ZNF740: variants seen among roughly 807,000 people sequenced by gnomAD.
ZNF740 encodes the protein oriLyt TD-element-binding protein 7.
A neutral mutation model predicts 24.8 loss-of-function variants in ZNF740; 14 were observed. That is an observed-to-expected ratio of 0.56 (90% CI 0.37 to 0.88). ZNF740 has a LOEUF of 0.88. Among genes scored for constraint, ZNF740 ranks in the 40% least tolerant of loss-of-function variants. ZNF740 has a pLI of 0.00. For missense variants in ZNF740, 201 were observed against 247.9 expected (o/e 0.81, Z 1.27); for synonymous variants, 69 against 84.0 (o/e 0.82, Z 0.98).
intron 5 of ZNF740, 118 bp from the exon 6 acceptor site, chr12:53,186,273 C>A: frequency 8.6e-7 from 1 of 1,162,782 alleles, no homozygotes; most frequent in Non-Finnish European, 1.2e-6. Context: ...GACCTCTCCC[C>A]ATTTATGATC....
In ZNF740 at chr12:53,193,624, G is replaced by C. The variant is rs1592398516; in HGVS notation, c.*6034G>C. 1 of 1,212,054 alleles carries C rather than the reference G, an allele frequency of 8.3e-7. No homozygotes were observed. The highest frequency in any genetic ancestry group is 2.5e-5 in the East Asian group (1 of 40,296). 75.1% of individuals were successfully genotyped at this position (1,212,054 alleles called of 1,614,324 possible). A position where few individuals can be genotyped will look rare whatever the true frequency, so the allele number is the denominator to read the frequency against. On this transcript the variant is annotated 3_prime_UTR_variant, in exon 7 of 7. Transcript: ENST00000416904. The stretch of plus-strand genomic sequence containing the variant: ...GGATGTCGAGGAGACTCCTGTGGGG[G>C]GGATGGAAAGCAGCGGAGGAATACG...
At chr12:53,185,274 G>C in intron 3 of ZNF740, 113 bp from the exon 4 acceptor site, 1 of 1,257,908 alleles carries the variant, frequency 7.9e-7, no homozygotes, top group Non-Finnish European at 1.1e-6. Flanking sequence ...CTTCCTCTAA[G>C]CTTTCGGGGC....
At position 53,191,947 on chromosome 12, in the gene ZNF740, A is replaced by ACCAGCC. The variant is rs1941967836; in HGVS notation, c.*4367_*4372dup. ...TTCCACCGAGAGCCGGTAAGCCAGGACCAGCCCCAGCCCCACTGCCACGAT... is the reference window on the plus strand; with the variant it reads ...TTCCACCGAGAGCCGGTAAGCCAGGACCAGCCCCAGCCCCAGCCCCACTGCCACGAT... On this transcript the variant is annotated 3_prime_UTR_variant, in exon 7 of 7. Transcript: ENST00000416904. 2 of 1,611,298 alleles carry ACCAGCC rather than the reference A, an allele frequency of 1.2e-6. No individual in the cohort carries two copies. The highest frequency in any genetic ancestry group is 8.5e-7 in the Non-Finnish European group (1 of 1,179,970).
rs1490583732 is a variant in ZNF740, at chr12:53,188,702, A to G, written c.*1112A>G. On this transcript the variant is annotated 3_prime_UTR_variant, in exon 7 of 7. Transcript: ENST00000416904. ...GGGAGGGGTCTGTCCTTTGGTCCCA[A>G]AAAACAAGATCTCGGCTTGCTTCCT... 1 of 152,226 alleles carries G rather than the reference A, an allele frequency of 6.6e-6. No homozygotes were observed. Among genetic ancestry groups the G allele is most frequent in the East Asian group, 1.9e-4 (1 of 5,196 alleles). 9.4% of individuals were successfully genotyped at this position (152,226 alleles called of 1,614,324 possible). A position where few individuals can be genotyped will look rare whatever the true frequency, so the allele number is the denominator to read the frequency against.
At chr12:53,185,353 G>C in intron 3 of ZNF740, 34 bp from the exon 4 acceptor site, 1 of 1,607,216 alleles carries the variant, frequency 6.2e-7, no homozygotes, top group Non-Finnish European at 8.5e-7. Context: ...GTTCCGAGAT[G>C]GGCTATGAGT....
intron 2 of ZNF740, among the ~76,000 whole-genome samples, chr12:53,184,114 GGTGTGTGTGT>G (rs754768891): frequency 3.2e-4 from 39 of 123,572 alleles, no homozygotes; most frequent in East Asian, 5.1e-4. Context: ...GAAGCTAAGG[GGTGTGTGTGT>G]GTGTGTGTGT....
At position 53,190,516 on chromosome 12, in the gene ZNF740, C is replaced by T. The variant is rs1022329909; in HGVS notation, c.*2926C>T. On this transcript the variant is annotated 3_prime_UTR_variant, in exon 7 of 7. Transcript: ENST00000416904. ...TTCCGTCCACCCCCAACAGCCTTGT[C>T]ATCACTTAGCTACTGATCACGCCCA... is the stretch of plus-strand genomic sequence containing the variant. The T allele has an allele frequency of 3.9e-5, 6 of 152,798 alleles. No individual in the cohort carries two copies. The highest frequency in any genetic ancestry group is 1.2e-4 in the African/African-American group (5 of 41,438). The allele number at this position is 152,798 out of a possible 1,614,324, so 9.5% of individuals were successfully genotyped here. A position where few individuals can be genotyped will look rare whatever the true frequency, so the allele number is the denominator to read the frequency against.
rs201131467 is a variant in ZNF740 at position 53,192,033 on chromosome 12, A to G, written c.*4443A>G. The G allele has an allele frequency of 8.6e-4, 1,384 of 1,608,692 alleles. No individual in the cohort carries two copies. Among genetic ancestry groups the G allele is most frequent in the Non-Finnish European group, 1.1e-3 (1,278 of 1,176,706 alleles). ...GGTCTGCTCCCTCTGTGAACAAGAA[A>G]CCAGACACACTTGTGGGAGCTGGAG... On this transcript the variant is annotated 3_prime_UTR_variant, in exon 7 of 7. Transcript: ENST00000416904.
At chr12:53,182,263 A>AT (rs1941675136) in intron 2 of ZNF740, 1 of 499,724 alleles carries the variant, frequency 2.0e-6, no homozygotes, top group East Asian at 3.5e-5. Flanking sequence ...CATTTGGTAC[A>AT]TTAAGTGCTG....
intron 2 of ZNF740, among the ~76,000 whole-genome samples, chr12:53,183,692 T>C (rs2121528384): frequency 6.6e-6 from 1 of 152,312 alleles, no homozygotes; most frequent in East Asian, 1.9e-4. Flanking sequence ...AGAGAAATGC[T>C]GAACTCCAAA....
Position 53,193,763 on chromosome 12 carries a change from G to A in ZNF740, c.*6173G>A. On this transcript the variant is annotated 3_prime_UTR_variant, in exon 7 of 7. Coordinates refer to ENST00000416904, the MANE Select transcript of ZNF740 (RefSeq NM_001004304.4). ...CCATCACTGCAGTGGGGAGCCTGGGGCTGGGTGTCACTGCAATTACAGTCA... is the reference window on the plus strand; with the variant it reads ...CCATCACTGCAGTGGGGAGCCTGGGACTGGGTGTCACTGCAATTACAGTCA... 6.2e-7 allele frequency: 1 copy of A among 1,614,080 alleles called. No individual in the cohort carries two copies. Among genetic ancestry groups the A allele is most frequent in the Non-Finnish European group, 8.5e-7 (1 of 1,179,996 alleles).
At position 53,190,722 on chromosome 12, in the gene ZNF740, A is replaced by C. The variant is rs1941918081; in HGVS notation, c.*3132A>C. 2 of 151,210 alleles carry C rather than the reference A, an allele frequency of 1.3e-5. No individual in the cohort carries two copies. The highest frequency in any genetic ancestry group is 1.3e-4 in the Admixed American group (2 of 15,190). 9.4% of individuals were successfully genotyped at this position (151,210 alleles called of 1,614,324 possible). ...TAATATTTTGCTATGGGGGAGGGGA[A>C]TATCAAATGGACAAGATCACTTTTA... On this transcript the variant is annotated 3_prime_UTR_variant, in exon 7 of 7. Coordinates refer to ENST00000416904, the MANE Select transcript of ZNF740 (RefSeq NM_001004304.4).
chr12:53,182,102 T>G, intron 2 of ZNF740, 110 bp downstream of exon 2: 18 of 1,449,992 alleles, frequency 1.2e-5, no homozygotes, highest in Non-Finnish European at 1.3e-5. Flanking sequence ...ATCCAAGCTC[T>G]GTATTAAGCA....
In ZNF740 at chr12:53,185,621, A is replaced by C. The variant is rs1016188042; in HGVS notation, c.249+145A>C. 24 of 773,246 alleles carry C rather than the reference A, an allele frequency of 3.1e-5. No individual in the cohort carries two copies. The Admixed American group carries it at 5.7e-4, about 19-fold the overall frequency. The allele number at this position is 773,246 out of a possible 1,614,324, so 47.9% of individuals were successfully genotyped here. ...TGAGTGAGTCCCCCAGATTTCATCCAGAGACTACCTTGGTAGTTGATCTCC... is the reference window on the plus strand; with the variant it reads ...TGAGTGAGTCCCCCAGATTTCATCCCGAGACTACCTTGGTAGTTGATCTCC... On this transcript the variant is annotated intron_variant, in intron 4 of 6. Transcript: ENST00000416904.
In ZNF740 at chr12:53,189,653, C is replaced by T. The variant is rs1158676781; in HGVS notation, c.*2063C>T. 1 of 152,132 alleles carries T rather than the reference C, an allele frequency of 6.6e-6. No homozygotes were observed. Among genetic ancestry groups the T allele is most frequent in the Non-Finnish European group, 1.5e-5 (1 of 68,038 alleles). The allele number at this position is 152,132 out of a possible 1,614,324, so 9.4% of individuals were successfully genotyped here. Reference sequence around the variant, plus strand: ...ATTTGATGTGGTCCAGAACTTAGACCTCAGTCCTTGGATCAGCCCTGTGGT... The same window carrying T: ...ATTTGATGTGGTCCAGAACTTAGACTTCAGTCCTTGGATCAGCCCTGTGGT... On this transcript the variant is annotated 3_prime_UTR_variant, in exon 7 of 7. Transcript: ENST00000416904.
chr12:53,181,180 C>T (rs1407095202), intron 1 of ZNF740: 7 of 985,380 alleles, frequency 7.1e-6, no homozygotes, highest in Admixed American at 1.2e-4. Flanking sequence ...CACGCCGCGC[C>T]GGGCTTCGCC....
Position 53,191,633 on chromosome 12 carries a change from T to C in ZNF740, c.*4043T>C. 2 of 1,612,972 alleles carry C rather than the reference T, an allele frequency of 1.2e-6. No individual in the cohort carries two copies. Among genetic ancestry groups the C allele is most frequent in the Non-Finnish European group, 1.7e-6 (2 of 1,178,932 alleles). ...ATGGCACTTTTGTAGAGAGGATTACTGTCCTGGAGAAAGATGTTGCAGATT... is the reference window on the plus strand; with the variant it reads ...ATGGCACTTTTGTAGAGAGGATTACCGTCCTGGAGAAAGATGTTGCAGATT... On this transcript the variant is annotated 3_prime_UTR_variant, in exon 7 of 7. Transcript: ENST00000416904.
chr12:53,184,257 C>T (rs968288182), intron 2 of ZNF740, among the ~76,000 whole-genome samples: 19 of 151,532 alleles, frequency 1.3e-4, no homozygotes, highest in African/African-American at 4.6e-4. Flanking sequence ...GGCGCGATTT[C>T]GGCTCACTGC....
Position 53,185,939 on chromosome 12 carries a change from G to T in ZNF740, c.250-15G>T. 1 of 1,613,140 alleles carries T rather than the reference G, an allele frequency of 6.2e-7. No individual in the cohort carries two copies. Among genetic ancestry groups the T allele is most frequent in the Non-Finnish European group, 8.5e-7 (1 of 1,179,452 alleles). On this transcript the variant is annotated splice_polypyrimidine_tract_variant and intron_variant, in intron 4 of 6. Coordinates refer to ENST00000416904, the MANE Select transcript of ZNF740 (RefSeq NM_001004304.4). Reference sequence around the variant, plus strand: ...GCAGTGGTGGCCTCATGACATGCCTGATTATTGCCCCCAGGTGGTGGTAGT... The same window carrying T: ...GCAGTGGTGGCCTCATGACATGCCTTATTATTGCCCCCAGGTGGTGGTAGT...
Sources: allele counts gnomAD v4.1 joint callset (sites outside exome capture counted in the v4.1 genomes callset), GRCh38; gene constraint gnomAD v4.1.1; transcripts MANE v1.5; gene names NCBI Gene and HGNC (gene_info 2026-07-23, HGNC 2026-07-21).